DGKB: variants seen among roughly 807,000 people sequenced by gnomAD.
DGKB encodes the protein 90 kDa diacylglycerol kinase.
Under a neutral mutation model 114.3 loss-of-function variants are expected in DGKB, and 67 were observed. That is an observed-to-expected ratio of 0.59 (90% confidence interval 0.48 to 0.72). The LOEUF is 0.72. Among genes scored for constraint, DGKB ranks in the 30% least tolerant of loss-of-function variants. The probability of loss-of-function intolerance (pLI) is 0.00; values close to 1 mark genes in which losing one functional copy is unlikely to be tolerated. For synonymous variants in DGKB, 398 were observed against 323.1 expected (o/e 1.23, Z -2.49); for missense variants, 907 against 975.2 (o/e 0.93, Z 0.93).
At chr7:14,379,472 GAA>G (rs1482470644) in intron 21 of DGKB, among the ~76,000 whole-genome samples, 1 of 151,832 alleles carries the variant, frequency 6.6e-6, no homozygotes, top group Admixed American at 6.6e-5. Context: ...AGAGAATAAG[GAA>G]AGAGAGTGGG....
intron 13 of DGKB, among the ~76,000 whole-genome samples, chr7:14,641,357 TAC>T (rs1563761051): frequency 6.6e-6 from 1 of 151,906 alleles, no homozygotes; most frequent in Non-Finnish European, 1.5e-5. Context: ...CATTTTACAA[TAC>T]AAAGATTTGT....
chr7:14,389,574 C>T (rs1820991274), intron 21 of DGKB, among the ~76,000 whole-genome samples: 1 of 152,182 alleles, frequency 6.6e-6, no homozygotes, highest in Non-Finnish European at 1.5e-5. Flanking sequence ...CTCAGGGAAC[C>T]TGTGCCGTTG....
intron 20 of DGKB, among the ~76,000 whole-genome samples, chr7:14,558,241 T>A (rs748682146): frequency 6.6e-6 from 1 of 151,580 alleles, no homozygotes; most frequent in East Asian, 1.9e-4. Flanking sequence ...TAGTAATGAA[T>A]TTTCTCTTAG....
At chr7:14,338,338 C>T (rs763102670) in intron 23 of DGKB, among the ~76,000 whole-genome samples, 177 bp downstream of exon 23, 4 of 152,068 alleles carry the variant, frequency 2.6e-5, no homozygotes, top group East Asian at 1.9e-4. Context: ...CCAATTTATA[C>T]TTGAGTTAGA....
chr7:14,336,575 G>A (rs1205144185), intron 23 of DGKB, among the ~76,000 whole-genome samples: 2 of 152,108 alleles, frequency 1.3e-5, no homozygotes, highest in African/African-American at 4.8e-5. Context: ...AGAATTTATG[G>A]GAAATTGGTT....
At chr7:14,929,557 T>A (rs1157941614) in intron 1 of DGKB, among the ~76,000 whole-genome samples, 1 of 152,158 alleles carries the variant, frequency 6.6e-6, no homozygotes, top group Admixed American at 6.6e-5. Flanking sequence ...TTTGCCTACT[T>A]TTTAATAAGA....
chr7:14,897,735 A>C (rs1782337978), intron 1 of DGKB, among the ~76,000 whole-genome samples: 1 of 151,944 alleles, frequency 6.6e-6, no homozygotes, highest in Non-Finnish European at 1.5e-5. Flanking sequence ...GTTCTGAGTA[A>C]TTTTATACTA....
intron 21 of DGKB, among the ~76,000 whole-genome samples, chr7:14,366,164 C>T (rs901221889): frequency 6.6e-6 from 1 of 151,968 alleles, no homozygotes; most frequent in African/African-American, 2.4e-5. Flanking sequence ...ATTTCTTATC[C>T]AAAAAGTTAA....
chr7:14,427,395 A>G lies in DGKB; in HGVS notation c.1835+50766T>C, dbSNP rs192306825. On this transcript the variant is annotated intron_variant, in intron 21 of 25. Transcript: ENST00000402815. Reference sequence around the variant, plus strand: ...TTCAACAAGTCTCTAGGGAGTTCCAAATTGTCTCACATTTTCCTGTCTTCT... The same window carrying G: ...TTCAACAAGTCTCTAGGGAGTTCCAGATTGTCTCACATTTTCCTGTCTTCT... Among the ~76,000 whole-genome samples the G allele has an allele frequency of 1.2e-4, 18 of 152,148 alleles. No individual in the cohort carries two copies. In the East Asian group the frequency reaches 3.3e-3, roughly 28 times the overall value.
chr7:14,215,819 G>T (rs17167972), intron 23 of DGKB, among the ~76,000 whole-genome samples: 1 of 152,012 alleles, frequency 6.6e-6, no homozygotes, highest in Non-Finnish European at 1.5e-5. Context: ...AATGGAAAAA[G>T]ACAAGATTTG....
chr7:14,843,520 GA>G (rs1210920565), intron 1 of DGKB, among the ~76,000 whole-genome samples: 2 of 150,592 alleles, frequency 1.3e-5, no homozygotes, highest in African/African-American at 2.4e-5. Context: ...ATTTTTAGTA[GA>G]GACGGGGTTT....
chr7:14,919,567 G>A (rs1036252028), intron 1 of DGKB, among the ~76,000 whole-genome samples: 4 of 152,050 alleles, frequency 2.6e-5, no homozygotes, highest in Non-Finnish European at 4.4e-5. Context: ...CCCTCCAATC[G>A]CAAGGTTTTA....
chr7:14,969,480 G>A (rs1364150910), intron 1 of DGKB, among the ~76,000 whole-genome samples: 1 of 152,152 alleles, frequency 6.6e-6, no homozygotes, highest in Non-Finnish European at 1.5e-5. Context: ...ATCAGTCTGT[G>A]GCTTGTTAGG....
chr7:14,653,970 G>A (rs1815222607), intron 13 of DGKB, among the ~76,000 whole-genome samples: 1 of 151,960 alleles, frequency 6.6e-6, no homozygotes, highest in Admixed American at 6.6e-5. Context: ...TACAAGAACT[G>A]GAATAGGACA....
intron 5 of DGKB, among the ~76,000 whole-genome samples, chr7:14,720,100 GCACGCACACA>G (rs57777270): frequency 0.043 from 6,440 of 151,402 alleles, 231 homozygotes; most frequent in South Asian, 0.17. Flanking sequence ...ACACACGCAC[GCACGCACACA>G]CACGCACACA....
intron 1 of DGKB, among the ~76,000 whole-genome samples, chr7:14,931,252 C>T (rs879789348): frequency 2.6e-5 from 4 of 152,018 alleles, no homozygotes; most frequent in Non-Finnish European, 4.4e-5. Context: ...TCTGGGATTA[C>T]AGGCGTGCGC....
intron 23 of DGKB, among the ~76,000 whole-genome samples, chr7:14,282,336 C>T (rs1200977117): frequency 7.8e-6 from 1 of 128,370 alleles, no homozygotes; most frequent in Non-Finnish European, 1.6e-5. Context: ...TCTGAATAGA[C>T]CAATAACAGG....
chr7:14,289,722 C>A (rs1584955825), intron 23 of DGKB, among the ~76,000 whole-genome samples: 6 of 110,728 alleles, frequency 5.4e-5, no homozygotes, highest in South Asian at 2.9e-4. Flanking sequence ...ATAAATAAGG[C>A]AAACATAAAT....
At chr7:14,339,917 A>G (rs2128578879) in intron 22 of DGKB, among the ~76,000 whole-genome samples, 1 of 152,016 alleles carries the variant, frequency 6.6e-6, no homozygotes, top group East Asian at 1.9e-4. Context: ...CTCAGAAGAC[A>G]CAGTGTTCCA....
Sources: gnomAD v4.1 joint callset for allele counts (sites outside exome capture counted in the v4.1 genomes callset) on GRCh38, gnomAD v4.1.1 for gene constraint, MANE v1.5 for transcripts, NCBI Gene and HGNC (gene_info 2026-07-23, HGNC 2026-07-21) for gene names.